The following NEDD4L variants were observed in gnomAD, a reference collection of about 807,000 sequenced individuals.
NEDD4L encodes the protein E3 ubiquitin-protein ligase NEDD4-like.
NEDD4L carries 54 observed loss-of-function variants against 148.9 expected under a neutral mutation model. That is an observed-to-expected ratio of 0.36 (90% CI 0.29 to 0.45). The LOEUF is 0.45. NEDD4L is among the 20% of genes least tolerant of loss of function. The probability of loss-of-function intolerance (pLI) is 1.00; values close to 1 mark genes in which losing one functional copy is unlikely to be tolerated. For synonymous variants in NEDD4L, 433 were observed against 440.7 expected, an observed-to-expected ratio of 0.98 and a Z score of 0.22; for missense variants, 856 against 1,233.8, an observed-to-expected ratio of 0.69 and a Z score of 4.59.
Position 58,165,869 on chromosome 18 carries a change from G to C in NEDD4L, c.122+8G>C. On this transcript the variant is annotated splice_region_variant and intron_variant, in intron 2 of 30. Transcript: ENST00000400345. ...GGACATCTTTGGAGCCAGGTATGTT[G>C]GCTTTGTTTTTATTTCTGTGGACTT... The C allele has an allele frequency of 1.3e-6, 2 of 1,599,918 alleles. No homozygotes were observed. The highest frequency in any genetic ancestry group is 1.7e-6 in the Non-Finnish European group (2 of 1,172,166).
At chr18:58,118,603 T>C (rs2086013007) in intron 1 of NEDD4L, among the ~76,000 whole-genome samples, 1 of 152,170 alleles carries the variant, frequency 6.6e-6, no homozygotes, top group South Asian at 2.1e-4. Flanking sequence ...TTTTGTTTTG[T>C]TGTTGTTTGT....
intron 19 of NEDD4L, among the ~76,000 whole-genome samples, chr18:58,358,387 C>T (rs1416065502): frequency 1.3e-5 from 2 of 152,114 alleles, no homozygotes; most frequent in Non-Finnish European, 2.9e-5. Context: ...TATATATATT[C>T]GCAGTCACAG....
chr18:58,225,124 A>C (rs2044208868), intron 2 of NEDD4L, among the ~76,000 whole-genome samples: 2 of 152,102 alleles, frequency 1.3e-5, no homozygotes, highest in African/African-American at 4.8e-5. Flanking sequence ...CAAATGTCAG[A>C]GAGAAAGGGG....
At chr18:58,124,713 A>G (rs2030705387) in intron 1 of NEDD4L, among the ~76,000 whole-genome samples, 1 of 152,218 alleles carries the variant, frequency 6.6e-6, no homozygotes, top group African/African-American at 2.4e-5. Context: ...AAACGGCACC[A>G]GCTCTTACCT....
At chr18:58,166,184 T>TA (rs1415144688) in intron 2 of NEDD4L, among the ~76,000 whole-genome samples, 1 of 152,234 alleles carries the variant, frequency 6.6e-6, no homozygotes, top group Non-Finnish European at 1.5e-5. Context: ...TTTTAATACT[T>TA]CAAAAATATT....
rs1489484267 is a variant in NEDD4L, at chr18:58,330,900, T to A, written c.976T>A (p.Phe326Ile). 6.2e-7 allele frequency: 1 copy of A among 1,613,554 alleles called. No homozygotes were observed. Among genetic ancestry groups the A allele is most frequent in the East Asian group, 2.2e-5 (1 of 44,882 alleles). ...CACTCCAGACTCCAATGGGGAACAGTTCAGCTCTTTGATTGTAAGTAGTGG... is the reference window on the plus strand; with the variant it reads ...CACTCCAGACTCCAATGGGGAACAGATCAGCTCTTTGATTGTAAGTAGTGG... ...QITPDSNGEQ[F>I]SSLIQREPSS... Residue 326 changes from phenylalanine (F) to isoleucine (I), a missense_variant, in exon 11 of 31, where the codon TTC becomes ATC. Around this residue, in one of 4 missense-constraint regions of NEDD4L, gnomAD observed 367 missense variants for 422.7 expected, o/e 0.87. Transcript: ENST00000400345.
chr18:58,072,842 T>C (rs972626711), intron 1 of NEDD4L, among the ~76,000 whole-genome samples: 5 of 151,320 alleles, frequency 3.3e-5, no homozygotes, highest in Non-Finnish European at 5.9e-5. Flanking sequence ...TGATCTTGTA[T>C]ATAGAAAATC....
chr18:58,348,326 CTTTTTTTTTTTT>C (rs771263533), intron 16 of NEDD4L, among the ~76,000 whole-genome samples: 1 of 88,672 alleles, frequency 1.1e-5, no homozygotes, highest in Non-Finnish European at 2.0e-5. Context: ...TCTTTTTTTT[CTTTTTTTTTTTT>C]TTTTTTTTTT....
In NEDD4L at chr18:58,396,156, T is replaced by C; in HGVS notation, c.2826-11T>C. 6.2e-7 allele frequency: 1 copy of C among 1,600,308 alleles called. No individual in the cohort carries two copies. Among genetic ancestry groups the C allele is most frequent in the Non-Finnish European group, 8.6e-7 (1 of 1,168,082 alleles). On this transcript the variant is annotated splice_polypyrimidine_tract_variant and intron_variant, in intron 30 of 30. Coordinates refer to ENST00000400345, the MANE Select transcript of NEDD4L (RefSeq NM_001144967.3). ...GTGGCTTTTCACCTACACTTTTTGT[T>C]CCTTTTGCAGCTTTAATCGCCTTGA...
intron 30 of NEDD4L, among the ~76,000 whole-genome samples, chr18:58,393,054 C>T (rs1602073443): frequency 6.6e-6 from 1 of 152,230 alleles, no homozygotes; most frequent in African/African-American, 2.4e-5. Flanking sequence ...TTTACCACTA[C>T]ACCAGATACA....
intron 5 of NEDD4L, among the ~76,000 whole-genome samples, chr18:58,262,489 C>T (rs925681520): frequency 1.3e-5 from 2 of 152,026 alleles, no homozygotes; most frequent in East Asian, 1.9e-4. Context: ...GCTAGCCAGG[C>T]GTGGTGGCCT....
In NEDD4L at chr18:58,395,823, GAC is replaced by G. The variant is rs1207219953; in HGVS notation, c.2826-340_2826-339del. ...GGAATAAGTAATAGTATTAGAGATAGACACAGTCTTAATTCGTGGGTAACTCC... is the reference window on the plus strand; with the variant it reads ...GGAATAAGTAATAGTATTAGAGATAGACAGTCTTAATTCGTGGGTAACTCC... On this transcript the variant is annotated intron_variant, in intron 30 of 30. Transcript: ENST00000400345. 4.6e-5 allele frequency among the ~76,000 whole-genome samples: 7 copies of G among 152,156 alleles called. 1 individual carries two copies. The highest frequency in any genetic ancestry group is 4.6e-4 in the Admixed American group (7 of 15,282).
chr18:58,102,689 CTTGTG>C (rs1425549660), intron 1 of NEDD4L, among the ~76,000 whole-genome samples: 1 of 151,944 alleles, frequency 6.6e-6, no homozygotes, highest in Non-Finnish European at 1.5e-5. Flanking sequence ...TTATGTAGCA[CTTGTG>C]TTGTATTAGG....
chr18:58,131,376 TG>T (rs2032116692), intron 1 of NEDD4L, among the ~76,000 whole-genome samples: 1 of 144,930 alleles, frequency 6.9e-6, no homozygotes, highest in Admixed American at 6.9e-5. Context: ...TGGGCTCTGT[TG>T]GGGTTTGGTT....
At chr18:58,221,585 T>C (rs1381593798) in intron 2 of NEDD4L, 2 of 985,334 alleles carry the variant, frequency 2.0e-6, no homozygotes, top group African/African-American at 3.5e-5. Flanking sequence ...GTGTTAAAAC[T>C]TGCTGGTATT....
chr18:58,387,135 G>A (rs1052883624), intron 26 of NEDD4L, among the ~76,000 whole-genome samples: 1 of 152,214 alleles, frequency 6.6e-6, no homozygotes, highest in African/African-American at 2.4e-5. Flanking sequence ...AGGACGCACT[G>A]ACTCACAGCA....
chr18:58,277,589 G>C (rs1280334125), intron 5 of NEDD4L, among the ~76,000 whole-genome samples: 1 of 152,108 alleles, frequency 6.6e-6, no homozygotes, highest in South Asian at 2.1e-4. Flanking sequence ...CTTCTCAGTG[G>C]GTGTAAATGG....
chr18:58,221,812 T>A (rs1443319320), intron 2 of NEDD4L: 1 of 728,526 alleles, frequency 1.4e-6, no homozygotes, highest in Non-Finnish European at 1.7e-6. Flanking sequence ...ACATCTGTTC[T>A]TGGTGTGAGT....
chr18:58,182,378 G>A (rs1247850843), intron 2 of NEDD4L, among the ~76,000 whole-genome samples: 1 of 151,946 alleles, frequency 6.6e-6, no homozygotes, highest in Non-Finnish European at 1.5e-5. Flanking sequence ...GGCATTTAGG[G>A]AGAAAAAAGT....
Sources: gnomAD v4.1 joint callset for allele counts (sites outside exome capture counted in the v4.1 genomes callset) on GRCh38, gnomAD v4.1.1 for gene constraint, gnomAD v4.1.1 regional missense constraint, MANE v1.5 for transcripts, NCBI Gene and HGNC (gene_info 2026-07-23, HGNC 2026-07-21) for gene names.